Variants in PACRGL observed in about 807,000 individuals in gnomAD.
PACRGL encodes parkin coregulated like, also known as PACRG-like protein.
PACRGL carries 38 observed loss-of-function variants against 34.5 expected under a neutral mutation model. The observed-to-expected ratio is 1.10, with a 90% CI of 0.85 to 1.44. PACRGL has a LOEUF of 1.44. Ranked by LOEUF, PACRGL falls within the 40% of genes most tolerant of loss-of-function variation. The pLI is 0.00. For synonymous variants in PACRGL, 128 were observed against 100.1 expected, an observed-to-expected ratio of 1.28 and a Z score of -1.66; for missense variants, 305 against 281.4, an observed-to-expected ratio of 1.08 and a Z score of -0.60.
chr4:20,719,646 G>C (rs886889270), intron 7 of PACRGL, among the ~76,000 whole-genome samples: 19 of 152,326 alleles, frequency 1.2e-4, no homozygotes, highest in Admixed American at 1.2e-3. Flanking sequence ...GGTTTTGAGT[G>C]AGTTTCTTAA....
the PACRGL span, among the ~76,000 whole-genome samples, chr4:20,761,419 A>G: frequency 4.6e-5 from 7 of 152,176 alleles, no homozygotes; most frequent in Non-Finnish European, 5.9e-5. Context: ...CATTTTGACT[A>G]TCTATCTAGC....
At chr4:20,745,781 A>G (rs866939436) in intron 8 of PACRGL, among the ~76,000 whole-genome samples, 10 of 152,162 alleles carry the variant, frequency 6.6e-5, no homozygotes, top group African/African-American at 2.2e-4. Context: ...GCTGGCCACT[A>G]TGCTGGGGAC....
intron 7 of PACRGL, 46 bp downstream of exon 7, chr4:20,713,585 C>A (rs766955540): frequency 2.1e-6 from 3 of 1,434,182 alleles, no homozygotes; most frequent in East Asian, 2.3e-5. Context: ...ATGTATCATG[C>A]ACCATCCATA....
chr4:20,698,588 C>G (rs1017007938), upstream of PACRGL, among the ~76,000 whole-genome samples: 1 of 152,170 alleles, frequency 6.6e-6, no homozygotes, highest in African/African-American at 2.4e-5. Context: ...AAGAAAGCAC[C>G]CACCACTTAT....
At chr4:20,750,125 G>A (rs1753325725) in intron 8 of PACRGL, among the ~76,000 whole-genome samples, 2 of 152,146 alleles carry the variant, frequency 1.3e-5, no homozygotes, top group Non-Finnish European at 2.9e-5. Flanking sequence ...AGACAGAGAT[G>A]AGTTGCTATT....
At chr4:20,753,308 C>A (rs189095756), downstream of PACRGL, among the ~76,000 whole-genome samples, 9 of 152,138 alleles carry the variant, frequency 5.9e-5, no homozygotes, top group East Asian at 9.7e-4. Flanking sequence ...GTAGAAAAAA[C>A]CCCTAGGATT....
chr4:20,698,833 C>CA (rs1483743154), upstream of PACRGL, among the ~76,000 whole-genome samples: 1 of 152,180 alleles, frequency 6.6e-6, no homozygotes, highest in Non-Finnish European at 1.5e-5. Flanking sequence ...AATTTGCTTT[C>CA]ACCTGAATAA....
intron 7 of PACRGL, 61 bp downstream of exon 7, chr4:20,713,600 T>G: frequency 3.0e-6 from 4 of 1,349,230 alleles, no homozygotes; most frequent in Non-Finnish European, 4.2e-6. Flanking sequence ...TCCATATCTC[T>G]TCATGATTTA....
chr4:20,708,717 G>T (rs1182021507), intron 4 of PACRGL, among the ~76,000 whole-genome samples: 1 of 152,134 alleles, frequency 6.6e-6, no homozygotes, highest in Non-Finnish European at 1.5e-5. Flanking sequence ...CATTACAAAG[G>T]AGTTCAAAGA....
At chr4:20,751,725 T>G (rs1025454004) in intron 8 of PACRGL, among the ~76,000 whole-genome samples, 3 of 152,198 alleles carry the variant, frequency 2.0e-5, no homozygotes, top group African/African-American at 7.2e-5. Flanking sequence ...GGGTATATGA[T>G]AATTACTATT....
intron 7 of PACRGL, among the ~76,000 whole-genome samples, chr4:20,719,666 C>G (rs559443194): frequency 2.7e-4 from 41 of 152,196 alleles, no homozygotes; most frequent in South Asian, 1.7e-3. Flanking sequence ...ATCCTGAGTT[C>G]TAGTTTGATT....
chr4:20,758,963 C>A, the PACRGL span: 1 of 1,168,164 alleles, frequency 8.6e-7, no homozygotes, highest in Non-Finnish European at 1.3e-6. Context: ...CATTTTGAAA[C>A]AGAACTGTCT....
intron 8 of PACRGL, among the ~76,000 whole-genome samples, chr4:20,738,195 CT>C (rs1750165241): frequency 6.6e-6 from 1 of 151,924 alleles, no homozygotes; most frequent in African/African-American, 2.4e-5. Flanking sequence ...AACATAGAGC[CT>C]TATTCAAGGA....
chr4:20,737,640 G>C (rs1749963150), intron 8 of PACRGL, among the ~76,000 whole-genome samples: 1 of 152,154 alleles, frequency 6.6e-6, no homozygotes, highest in South Asian at 2.1e-4. Context: ...TGAGGAGCCT[G>C]GTAGAAGAGG....
downstream of PACRGL, chr4:20,734,752 A>ATTCAATTT: frequency 7.1e-7 from 1 of 1,407,078 alleles, no homozygotes; most frequent in Non-Finnish European, 9.8e-7. Context: ...AGAAATAAAA[A>ATTCAATTT]TTCAATTTTA....
intron 8 of PACRGL, chr4:20,749,548 G>A (rs1753197318): frequency 1.6e-6 from 1 of 644,254 alleles, no homozygotes; most frequent in East Asian, 2.8e-5. Context: ...GAAAGGGAGT[G>A]TCCTTGGGCT....
At chr4:20,735,901 T>G (rs1347421962), downstream of PACRGL, among the ~76,000 whole-genome samples, 1 of 152,218 alleles carries the variant, frequency 6.6e-6, no homozygotes, top group Non-Finnish European at 1.5e-5. Flanking sequence ...TATAATCCAC[T>G]TTTAGGTAGG....
chr4:20,734,600 A>C, downstream of PACRGL: 2 of 996,678 alleles, frequency 2.0e-6, no homozygotes, highest in Non-Finnish European at 2.9e-6. Context: ...GGTCCAAATT[A>C]CTGTGATGTT....
the PACRGL span, among the ~76,000 whole-genome samples, chr4:20,760,860 A>C: frequency 6.6e-6 from 1 of 152,222 alleles, no homozygotes; most frequent in Non-Finnish European, 1.5e-5. Flanking sequence ...CAAGCAAGCA[A>C]GTGAACTGTG....
Sources: gnomAD v4.1 joint callset for allele counts (sites outside exome capture counted in the v4.1 genomes callset) on GRCh38, gnomAD v4.1.1 for gene constraint, MANE v1.5 for transcripts, NCBI Gene and HGNC (gene_info 2026-07-23, HGNC 2026-07-21) for gene names.